Variants in GSE1 observed in about 807,000 individuals in gnomAD.
GSE1 encodes genetic suppressor element 1.
A neutral mutation model predicts 112.6 loss-of-function variants in GSE1; 32 were observed. The ratio of observed to expected loss-of-function variants is 0.28; its 90% CI spans 0.21 to 0.38. The LOEUF (loss-of-function observed/expected upper bound fraction) is 0.38. Among genes scored for constraint, GSE1 ranks in the 10% least tolerant of loss-of-function variants. The pLI, the probability that GSE1 is intolerant of heterozygous loss-of-function variation, is 1.00. For synonymous variants in GSE1, 1,115 were observed against 735.6 expected, an observed-to-expected ratio of 1.52 and a Z score of -8.35; for missense variants, 2,348 against 1,699.2, an observed-to-expected ratio of 1.38 and a Z score of -6.71.
rs118069075 is a variant in GSE1 at position 85,196,035 on chromosome 16, G to A, written c.2283+24228G>A. Among the ~76,000 whole-genome samples the A allele has an allele frequency of 7.4e-3, 1,126 of 152,266 alleles. 3 individuals carry two copies. The highest frequency in any genetic ancestry group is 0.013 in the Non-Finnish European group (857 of 68,022). ...GGGGCAGCACCCGATAACCAAACAC[G>A]GTCATGTTTCTGCTGCAAAACATGT... On this transcript the variant is annotated intron_variant, in intron 1 of 2. Transcript: ENST00000637419.
intron 2 of GSE1, among the ~76,000 whole-genome samples, chr16:85,538,103 G>T (rs138746585): frequency 1.1e-3 from 161 of 152,360 alleles, no homozygotes; most frequent in Non-Finnish European, 1.9e-3. Flanking sequence ...AGCCGTAGCT[G>T]AATCAGGAGA....
At chr16:85,445,275 G>A (rs58949245) in intron 2 of GSE1, among the ~76,000 whole-genome samples, 118 of 152,348 alleles carry the variant, frequency 7.7e-4, no homozygotes, top group East Asian at 6.9e-3. Context: ...AGGTGTGGCC[G>A]CCACTGCTGC....
At chr16:85,238,665 C>T (rs956886614) in intron 1 of GSE1, among the ~76,000 whole-genome samples, 6 of 152,168 alleles carry the variant, frequency 3.9e-5, no homozygotes, top group African/African-American at 7.2e-5. Flanking sequence ...AGGCTCCAGG[C>T]GGCTTGCCGC....
chr16:85,563,734 G>C lies in GSE1; in HGVS notation c.37+7371G>C, dbSNP rs187988013. Among the ~76,000 whole-genome samples the C allele has an allele frequency of 2.1e-3, 317 of 152,320 alleles. 1 individual carries two copies. The highest frequency in any genetic ancestry group is 0.01 in the Middle Eastern group (3 of 294). ...TTTGGCTGCTTGCTTAATGGCCTGTGGGGTCAGGAAGTCACGGAACATTGG... is the reference window on the plus strand; with the variant it reads ...TTTGGCTGCTTGCTTAATGGCCTGTCGGGTCAGGAAGTCACGGAACATTGG... On this transcript the variant is annotated intron_variant, in intron 1 of 2. Transcript: ENST00000635906.
chr16:85,530,865 C>T (rs1051025292), intron 2 of GSE1, among the ~76,000 whole-genome samples: 1 of 152,254 alleles, frequency 6.6e-6, no homozygotes, highest in African/African-American at 2.4e-5. Context: ...GAGGAGGATT[C>T]TCTTCTTGCA....
chr16:85,395,487 C>A (rs893680678), intron 2 of GSE1, among the ~76,000 whole-genome samples: 4 of 152,178 alleles, frequency 2.6e-5, no homozygotes, highest in African/African-American at 9.7e-5. Context: ...ACCTCAGAGC[C>A]TGCATGTCTG....
chr16:85,400,658 G>T (rs556297030), intron 2 of GSE1, among the ~76,000 whole-genome samples: 2 of 151,762 alleles, frequency 1.3e-5, no homozygotes, highest in East Asian at 1.9e-4. Context: ...CTCTGTGTCT[G>T]TGTATGTTGC....
At chr16:85,403,365 C>T (rs889191369) in intron 2 of GSE1, among the ~76,000 whole-genome samples, 1 of 152,218 alleles carries the variant, frequency 6.6e-6, no homozygotes, top group African/African-American at 2.4e-5. Flanking sequence ...AGGGGCATGA[C>T]CACCAGGAGG....
At chr16:85,639,671 G>T (rs965359315) in intron 2 of GSE1, among the ~76,000 whole-genome samples, 17 of 152,266 alleles carry the variant, frequency 1.1e-4, no homozygotes, top group African/African-American at 2.4e-4. Context: ...CCTGAAGGCA[G>T]CCCTGAGCCA....
intron 2 of GSE1, among the ~76,000 whole-genome samples, chr16:85,426,705 GAT>G (rs1478140160): frequency 3.3e-5 from 5 of 150,106 alleles, no homozygotes; most frequent in Admixed American, 6.6e-5. Context: ...TGGGTGGGTG[GAT>G]GGATGGATGG....
At chr16:85,252,753 C>T (rs897049860) in intron 1 of GSE1, among the ~76,000 whole-genome samples, 1 of 152,236 alleles carries the variant, frequency 6.6e-6, no homozygotes, top group Admixed American at 6.5e-5. Flanking sequence ...TGAGTCACCC[C>T]ATTCACCTGC....
rs148459938 is a variant in GSE1, at chr16:85,630,477, C to T, written c.8-3437C>T. On this transcript the variant is annotated intron_variant, in intron 1 of 15. Transcript: ENST00000253458. ...TCCCAAACAGCGGAGATTACAGGTACGCATGTGTCGTTTCAGGGTAATTTA... is the reference window on the plus strand; with the variant it reads ...TCCCAAACAGCGGAGATTACAGGTATGCATGTGTCGTTTCAGGGTAATTTA... Among the ~76,000 whole-genome samples, 112 of 152,140 alleles carry T rather than the reference C, an allele frequency of 7.4e-4. 1 individual carries two copies. In the South Asian group the frequency reaches 0.018, roughly 25 times the overall value.
chr16:85,455,913 T>C (rs1306686509), intron 2 of GSE1, among the ~76,000 whole-genome samples: 2 of 152,204 alleles, frequency 1.3e-5, no homozygotes, highest in African/African-American at 4.8e-5. Context: ...CCCCCACCTC[T>C]GGGGTCAGGC....
chr16:85,316,851 G>A (rs1161789874), intron 1 of GSE1, among the ~76,000 whole-genome samples: 5 of 152,196 alleles, frequency 3.3e-5, no homozygotes, highest in African/African-American at 9.7e-5. Flanking sequence ...AACCCCGCCC[G>A]GCGTGGCTGC....
intron 2 of GSE1, among the ~76,000 whole-genome samples, chr16:85,425,060 G>A (rs2048938253): frequency 6.6e-6 from 1 of 152,226 alleles, no homozygotes; most frequent in Non-Finnish European, 1.5e-5. Context: ...ACTGGGCTGG[G>A]GGCCCCGGGC....
At chr16:85,647,116 C>A (rs552539368) in intron 2 of GSE1, among the ~76,000 whole-genome samples, 1 of 152,192 alleles carries the variant, frequency 6.6e-6, no homozygotes, top group Non-Finnish European at 1.5e-5. Flanking sequence ...AACACTCCTC[C>A]CCGTCCTCCC....
chr16:85,651,535 C>T (rs1264006431), intron 3 of GSE1, among the ~76,000 whole-genome samples: 1 of 152,134 alleles, frequency 6.6e-6, no homozygotes, highest in Non-Finnish European at 1.5e-5. Context: ...GGGGACAGGC[C>T]CCTCCTTGTG....
At chr16:85,658,368 A>AT (rs2052149831) in intron 8 of GSE1, among the ~76,000 whole-genome samples, 1 of 152,200 alleles carries the variant, frequency 6.6e-6, no homozygotes, top group Non-Finnish European at 1.5e-5. Flanking sequence ...AGGGACACTG[A>AT]TTCTGTTCCC....
chr16:85,530,744 A>T (rs186284979), intron 2 of GSE1, among the ~76,000 whole-genome samples: 3 of 152,266 alleles, frequency 2.0e-5, no homozygotes, highest in Admixed American at 6.5e-5. Context: ...GATGGAATAC[A>T]CAGGAAACAA....
Sources: allele counts gnomAD v4.1 joint callset (sites outside exome capture counted in the v4.1 genomes callset), GRCh38; gene constraint gnomAD v4.1.1; transcripts MANE v1.5; gene names NCBI Gene and HGNC (gene_info 2026-07-23, HGNC 2026-07-21).